Variants in SHISA6 observed in about 807,000 individuals in gnomAD.
The protein encoded by SHISA6 is shisa family member 6, also known as protein shisa-6.
Under a neutral mutation model 47.9 loss-of-function variants are expected in SHISA6, and 22 were observed. The observed-to-expected ratio is 0.46, with a 90% CI of 0.33 to 0.66. The LOEUF (loss-of-function observed/expected upper bound fraction) is 0.66, where lower values mean the gene tolerates loss of function less well. Among genes scored for constraint, SHISA6 ranks in the 30% least tolerant of loss-of-function variants. SHISA6 has a pLI of 0.02. For synonymous variants in SHISA6, 388 were observed against 337.8 expected (o/e 1.15, Z -1.63); for missense variants, 680 against 764.6 (o/e 0.89, Z 1.30).
chr17:11,424,798 T>C (rs1914559637), intron 3 of SHISA6, among the ~76,000 whole-genome samples: 2 of 151,630 alleles, frequency 1.3e-5, no homozygotes, highest in Non-Finnish European at 2.9e-5. Context: ...GGTCAGGAGA[T>C]GGAAACTAGC....
chr17:11,315,540 G>A (rs1195977810), intron 2 of SHISA6, among the ~76,000 whole-genome samples: 2 of 151,878 alleles, frequency 1.3e-5, no homozygotes, highest in Admixed American at 6.6e-5. Flanking sequence ...ATCTTTACAG[G>A]TTACAAAAAA....
chr17:11,377,250 G>C (rs1231383916), intron 2 of SHISA6, among the ~76,000 whole-genome samples: 1 of 152,090 alleles, frequency 6.6e-6, no homozygotes, highest in South Asian at 2.1e-4. Context: ...TTACAGGCAT[G>C]AACCACCACC....
intron 1 of SHISA6, among the ~76,000 whole-genome samples, chr17:11,242,881 C>T (rs1177264955): frequency 2.0e-5 from 3 of 152,072 alleles, no homozygotes; most frequent in Non-Finnish European, 4.4e-5. Context: ...CCCAGTGAGC[C>T]CTTGGGGAAG....
intron 2 of SHISA6, among the ~76,000 whole-genome samples, chr17:11,366,701 C>T (rs769900203): frequency 1.3e-5 from 2 of 152,022 alleles, no homozygotes; most frequent in South Asian, 2.1e-4. Flanking sequence ...GCTTGCAAAT[C>T]GTCCTGATGG....
chr17:11,352,162 G>A (rs1473103447), intron 2 of SHISA6, among the ~76,000 whole-genome samples: 2 of 151,896 alleles, frequency 1.3e-5, no homozygotes, highest in Non-Finnish European at 2.9e-5. Context: ...GAGAGGGTAG[G>A]TAAACATTAA....
chr17:11,534,713 A>G (rs17701406), intron 3 of SHISA6, among the ~76,000 whole-genome samples: 8,384 of 152,282 alleles, frequency 0.055, 273 homozygotes, highest in Middle Eastern at 0.099. Context: ...TAAAAATTGA[A>G]CAAGTGGTAA....
At chr17:11,251,919 G>T (rs771067855) in intron 1 of SHISA6, among the ~76,000 whole-genome samples, 8 of 152,292 alleles carry the variant, frequency 5.3e-5, no homozygotes, top group Non-Finnish European at 7.3e-5. Flanking sequence ...AGGGCGGTGA[G>T]CAGCAGCTGA....
rs150362517 is a variant in SHISA6, at chr17:11,271,995, C to T, written c.799+8469C>T. Among the ~76,000 whole-genome samples the T allele has an allele frequency of 1.2e-4, 18 of 152,090 alleles. No homozygotes were observed. In the East Asian group the frequency reaches 2.7e-3, roughly 23 times the overall value. On this transcript the variant is annotated intron_variant, in intron 2 of 5. Transcript: ENST00000441885. ...ACACTCTTCCTGTCTCTTCTCTCCC[C>T]GACAGCCAAACTTTGCAAAACACTT...
intron 2 of SHISA6, among the ~76,000 whole-genome samples, chr17:11,374,382 G>T (rs1235060719): frequency 1.3e-5 from 2 of 151,574 alleles, no homozygotes; most frequent in Non-Finnish European, 2.9e-5. Context: ...TCTAGTTTTT[G>T]ACTTGAGTCT....
chr17:11,467,428 T>C (rs914231256), intron 3 of SHISA6, among the ~76,000 whole-genome samples: 2 of 152,332 alleles, frequency 1.3e-5, no homozygotes, highest in Non-Finnish European at 2.9e-5. Context: ...CAGTATGACA[T>C]ATGATGTCAT....
At chr17:11,503,682 G>A (rs987179326) in intron 3 of SHISA6, among the ~76,000 whole-genome samples, 1 of 152,140 alleles carries the variant, frequency 6.6e-6, no homozygotes, top group African/African-American at 2.4e-5. Flanking sequence ...ATGTAATAAG[G>A]CTTTGTATAT....
chr17:11,500,533 G>T (rs1461575997), intron 3 of SHISA6, among the ~76,000 whole-genome samples: 1 of 152,168 alleles, frequency 6.6e-6, no homozygotes, highest in East Asian at 1.9e-4. Context: ...AGGTTCCATG[G>T]TAGTGTCAAG....
chr17:11,499,363 C>T (rs76408786), intron 3 of SHISA6, among the ~76,000 whole-genome samples: 8,819 of 152,164 alleles, frequency 0.058, 321 homozygotes, highest in Middle Eastern at 0.095. Context: ...CCTTTCAGGA[C>T]GTTTTATCCT....
intron 2 of SHISA6, among the ~76,000 whole-genome samples, chr17:11,341,927 T>G (rs1340789184): frequency 2.0e-5 from 3 of 152,086 alleles, no homozygotes; most frequent in Non-Finnish European, 2.9e-5. Flanking sequence ...CTCTGAACAG[T>G]GGGAGAAGAG....
Position 11,563,978 on chromosome 17 carries a change from TTTAGTAAGATTTAG to T in SHISA6, c.*5676_*5689del, listed in dbSNP as rs750554111. 6.6e-6 allele frequency: 1 copy of T among 152,204 alleles called. No individual in the cohort carries two copies. The highest frequency in any genetic ancestry group is 1.5e-5 in the Non-Finnish European group (1 of 68,034). 9.4% of individuals were successfully genotyped at this position (152,204 alleles called of 1,614,324 possible). On this transcript the variant is annotated 3_prime_UTR_variant, in exon 6 of 6. Transcript: ENST00000441885. ...CTACATGTACTGTAAACAGATACACTTTAGTAAGATTTAGTCTTAAGGATTTTTCCACTTTTGTC... is the reference window on the plus strand; with the variant it reads ...CTACATGTACTGTAAACAGATACACTTCTTAAGGATTTTTCCACTTTTGTC...
At chr17:11,260,276 C>T (rs1321403591) in intron 1 of SHISA6, among the ~76,000 whole-genome samples, 3 of 152,078 alleles carry the variant, frequency 2.0e-5, no homozygotes, top group Admixed American at 6.5e-5. Context: ...ATAATTCAGG[C>T]AAAAGAATTC....
At chr17:11,513,216 G>GTT (rs1325134903) in intron 3 of SHISA6, among the ~76,000 whole-genome samples, 4 of 149,902 alleles carry the variant, frequency 2.7e-5, no homozygotes, top group African/African-American at 9.8e-5. Flanking sequence ...ATATGTATGT[G>GTT]TTATATATAT....
At chr17:11,396,963 G>A (rs953786514) in intron 3 of SHISA6, among the ~76,000 whole-genome samples, 6 of 152,138 alleles carry the variant, frequency 3.9e-5, no homozygotes, top group African/African-American at 1.4e-4. Flanking sequence ...GAACCCATAT[G>A]TACAACATAG....
At chr17:11,502,944 G>A (rs1567623359) in intron 3 of SHISA6, among the ~76,000 whole-genome samples, 1 of 152,190 alleles carries the variant, frequency 6.6e-6, no homozygotes, top group Non-Finnish European at 1.5e-5. Flanking sequence ...ATTAATTTCA[G>A]GGTCGGGTCT....
Sources: allele counts gnomAD v4.1 joint callset (sites outside exome capture counted in the v4.1 genomes callset), GRCh38; gene constraint gnomAD v4.1.1; transcripts MANE v1.5; gene names NCBI Gene and HGNC (gene_info 2026-07-23, HGNC 2026-07-21).